Variants in DDR2 observed in about 807,000 individuals in gnomAD.
DDR2 encodes discoidin domain receptor tyrosine kinase 2.
DDR2 carries 27 observed loss-of-function variants against 94.9 expected under a neutral mutation model. The ratio of observed to expected loss-of-function variants is 0.28; its 90% CI spans 0.21 to 0.39. The LOEUF is 0.39. DDR2 is among the 10% of genes least tolerant of loss of function. The pLI is 1.00. For synonymous variants in DDR2, 382 were observed against 377.2 expected (o/e 1.01, Z -0.15); for missense variants, 783 against 1,076.0 (o/e 0.73, Z 3.81).
chr1:162,663,984 G>A (rs10917584), intron 2 of DDR2, among the ~76,000 whole-genome samples: 149,344 of 152,174 alleles, frequency 0.98, 73,350 homozygotes, highest in East Asian at 1. Flanking sequence ...CCCCCTAATA[G>A]ATCACAGAAC....
At chr1:162,732,736 C>T (rs1001798366) in intron 3 of DDR2, among the ~76,000 whole-genome samples, 41 of 152,220 alleles carry the variant, frequency 2.7e-4, no homozygotes, top group African/African-American at 9.9e-4. Context: ...CTCATGTGGG[C>T]CATGTGTGTG....
chr1:162,642,470 A>G (rs1434956428), intron 1 of DDR2, among the ~76,000 whole-genome samples: 2 of 137,940 alleles, frequency 1.4e-5, no homozygotes, highest in Non-Finnish European at 3.1e-5. Context: ...TTTTTCTTTC[A>G]GTAGAGATGG....
Position 162,733,067 on chromosome 1 carries a change from T to C in DDR2, c.82+13922T>C, listed in dbSNP as rs532671213. Among the ~76,000 whole-genome samples the C allele has an allele frequency of 3.3e-5, 5 of 152,290 alleles. No individual in the cohort carries two copies. In the East Asian group the frequency reaches 9.7e-4, roughly 29 times the overall value. On this transcript the variant is annotated intron_variant, in intron 3 of 17. Coordinates refer to ENST00000367921, the MANE Select transcript of DDR2 (RefSeq NM_006182.4). The stretch of plus-strand genomic sequence containing the variant: ...GGGAGATTGGTGGGTAGCGGAAGCA[T>C]CAGAAAACCGCTAAGACAACTCAGC...
chr1:162,671,563 T>C (rs185536887), intron 2 of DDR2, among the ~76,000 whole-genome samples: 3 of 152,262 alleles, frequency 2.0e-5, no homozygotes, highest in Admixed American at 2.0e-4. Flanking sequence ...TCATGTCCTT[T>C]CTGTGACTCC....
chr1:162,634,624 C>G (rs986016243), intron 1 of DDR2, among the ~76,000 whole-genome samples: 1 of 152,192 alleles, frequency 6.6e-6, no homozygotes, highest in African/African-American at 2.4e-5. Flanking sequence ...TGGAAGCAGG[C>G]CTTCCTCCCT....
intron 3 of DDR2, among the ~76,000 whole-genome samples, chr1:162,748,657 A>G (rs1169440122): frequency 6.6e-6 from 1 of 152,252 alleles, no homozygotes; most frequent in African/African-American, 2.4e-5. Context: ...AAGTGGACCT[A>G]ATAGACATCT....
At position 162,783,041 on chromosome 1, in the gene DDR2, T is replaced by G. The variant is rs1647991447; in HGVS notation, c.*2795T>G. The stretch of plus-strand genomic sequence containing the variant: ...ATGTAGAATTTGAAAGTAGTTCAAA[T>G]TTGAATTAGAAGAATGAAGCTAGGA... On this transcript the variant is annotated 3_prime_UTR_variant, in exon 18 of 18. Transcript: ENST00000367921. The G allele has an allele frequency of 6.6e-6, 1 of 152,118 alleles. No individual in the cohort carries two copies. Among genetic ancestry groups the G allele is most frequent in the African/African-American group, 2.4e-5 (1 of 41,420 alleles). The allele number at this position is 152,118 out of a possible 1,614,324, so 9.4% of individuals were successfully genotyped here.
intron 3 of DDR2, among the ~76,000 whole-genome samples, chr1:162,727,968 T>C (rs1571251646): frequency 1.4e-5 from 2 of 142,556 alleles, no homozygotes; most frequent in East Asian, 2.0e-4. Flanking sequence ...TATCTATATA[T>C]ATATATATAG....
intron 12 of DDR2, among the ~76,000 whole-genome samples, chr1:162,771,233 A>G (rs190081433): frequency 7.5e-4 from 114 of 152,336 alleles, no homozygotes; most frequent in African/African-American, 2.4e-3. Flanking sequence ...GCTCAGAGCA[A>G]CTTTTCTATA....
At chr1:162,761,513 A>T in intron 9 of DDR2, 59 bp downstream of exon 9, 2 of 1,613,186 alleles carry the variant, frequency 1.2e-6, no homozygotes, top group Non-Finnish European at 1.7e-6. Flanking sequence ...AGGAATGCAC[A>T]TGCCCAGAAC....
intron 1 of DDR2, among the ~76,000 whole-genome samples, chr1:162,638,319 C>T (rs943839303): frequency 6.6e-6 from 1 of 152,290 alleles, no homozygotes; most frequent in African/African-American, 2.4e-5. Context: ...CTGCGCCCGG[C>T]CTGGGACTGT....
chr1:162,779,649 T>C (rs769659808), intron 17 of DDR2, among the ~76,000 whole-genome samples: 52 of 152,192 alleles, frequency 3.4e-4, no homozygotes, highest in Non-Finnish European at 5.1e-4. Context: ...AAATTAGCTA[T>C]CTTGGTTATG....
At chr1:162,744,013 A>C (rs564660274) in intron 3 of DDR2, among the ~76,000 whole-genome samples, 12 of 152,304 alleles carry the variant, frequency 7.9e-5, no homozygotes, top group Non-Finnish European at 7.4e-5. Context: ...AATTGTTTTG[A>C]AATTTATCCA....
intron 3 of DDR2, among the ~76,000 whole-genome samples, chr1:162,736,299 T>C (rs1345886446): frequency 6.6e-6 from 1 of 152,160 alleles, no homozygotes; most frequent in African/African-American, 2.4e-5. Context: ...CTAATAGAAC[T>C]CTCTTGCTTT....
chr1:162,711,480 C>G (rs1379712329), intron 2 of DDR2, among the ~76,000 whole-genome samples: 1 of 152,140 alleles, frequency 6.6e-6, no homozygotes, highest in Non-Finnish European at 1.5e-5. Flanking sequence ...GGATATACCC[C>G]TAGTTCTGCT....
At chr1:162,712,254 T>C (rs1482388311) in intron 2 of DDR2, among the ~76,000 whole-genome samples, 1 of 149,280 alleles carries the variant, frequency 6.7e-6, no homozygotes, top group East Asian at 1.9e-4. Flanking sequence ...TCATTGAAGT[T>C]CTTATAGGTA....
intron 1 of DDR2, among the ~76,000 whole-genome samples, chr1:162,646,874 G>C (rs1420666839): frequency 6.6e-6 from 1 of 152,162 alleles, no homozygotes; most frequent in Non-Finnish European, 1.5e-5. Context: ...TCTGTTGCAG[G>C]TGTCTGTCTG....
Position 162,755,232 on chromosome 1 carries a change from G to A in DDR2, c.494G>A (p.Arg165Gln), listed in dbSNP as rs200233661. ...LEPPIVARFV[R>Q]FIPVTDHSMN... ...CCGCCCATTGTAGCCAGATTTGTCCGGTTCATTCCAGTCACCGACCACTCC... is the reference window on the plus strand; with the variant it reads ...CCGCCCATTGTAGCCAGATTTGTCCAGTTCATTCCAGTCACCGACCACTCC... Residue 165 changes from arginine (R) to glutamine (Q), a missense_variant, in exon 6 of 18, where the codon CGG becomes CAG. By Grantham distance (43) the Arg-to-Gln change is conservative (BLOSUM62 1). Transcript: ENST00000367921. 4.0e-5 allele frequency: 64 copies of A among 1,613,926 alleles called. 1 individual carries two copies. Among genetic ancestry groups the A allele is most frequent in the Non-Finnish European group, 4.7e-5 (55 of 1,180,008 alleles).
chr1:162,638,312 C>T (rs186503438), intron 1 of DDR2, among the ~76,000 whole-genome samples: 25 of 152,342 alleles, frequency 1.6e-4, no homozygotes, highest in Admixed American at 3.9e-4. Context: ...TGAGCCACTG[C>T]GCCCGGCCTG....
Sources: gnomAD v4.1 joint callset for allele counts (sites outside exome capture counted in the v4.1 genomes callset) on GRCh38, gnomAD v4.1.1 for gene constraint, MANE v1.5 for transcripts, NCBI Gene and HGNC (gene_info 2026-07-23, HGNC 2026-07-21) for gene names.